Variants in TNRC18 observed in about 807,000 individuals in gnomAD.
TNRC18 encodes trinucleotide repeat-containing gene 18 protein.
A neutral mutation model predicts 226.7 loss-of-function variants in TNRC18; 69 were observed. That is an observed-to-expected ratio of 0.30 (90% CI 0.25 to 0.37). The LOEUF (loss-of-function observed/expected upper bound fraction) is 0.37. TNRC18 is among the 10% of genes least tolerant of loss of function. The pLI, the probability that TNRC18 is intolerant of heterozygous loss-of-function variation, is 1.00. For missense variants in TNRC18, 4,754 were observed against 4,256.6 expected (o/e 1.12, Z -3.25); for synonymous variants, 2,449 against 1,927.6 (o/e 1.27, Z -7.09).
At chr7:5,323,065 G>A (rs369435950) in intron 21 of TNRC18, among the ~76,000 whole-genome samples, 11 of 152,200 alleles carry the variant, frequency 7.2e-5, no homozygotes, top group African/African-American at 2.7e-4. Context: ...ATCACCGCAG[G>A]AGCAAGGCCA....
chr7:5,340,794 T>A (rs929263706), intron 18 of TNRC18, among the ~76,000 whole-genome samples: 1 of 150,100 alleles, frequency 6.7e-6, no homozygotes, highest in South Asian at 2.1e-4. Flanking sequence ...AACATAAAAA[T>A]GCAAGGATAA....
rs1246375337 is a variant in TNRC18 at position 5,388,012 on chromosome 7, A to G, written c.1812T>C (p.Pro604=). ...AGGGGCTCTTCTTGCCACAGCCACCAGGGCGCACGGCCACGGCGTCCCGGG... is the reference window on the plus strand; with the variant it reads ...AGGGGCTCTTCTTGCCACAGCCACCGGGGCGCACGGCCACGGCGTCCCGGG... The part of the protein sequence containing the change: ...SFARDAVAVR[P]GGCGKKSPFG... Residue 604 remains proline, a synonymous_variant, in exon 5 of 30, where the codon CCT becomes CCC. Transcript: ENST00000430969. 6.3e-7 allele frequency: 1 copy of G among 1,579,950 alleles called. No homozygotes were observed. The highest frequency in any genetic ancestry group is 8.6e-7 in the Non-Finnish European group (1 of 1,164,086).
In TNRC18 at chr7:5,332,611, G is replaced by A. The variant is rs373066819; in HGVS notation, c.6147+11C>T. On this transcript the variant is annotated intron_variant, in intron 19 of 29. Transcript: ENST00000430969. ...CCCTTCTGCGGCACCCCCTCCCAGC[G>A]CGGCCCCTACCTTCCTGGGGTCCTT... 1,570 of 1,516,908 alleles carry A rather than the reference G, an allele frequency of 1.0e-3. 18 individuals carry two copies. In the African/African-American group the frequency reaches 0.018, roughly 18 times the overall value. The allele number at this position is 1,516,908 out of a possible 1,614,324, so 94.0% of individuals were successfully genotyped here.
chr7:5,381,506 CTT>C (rs1459202305), intron 5 of TNRC18, among the ~76,000 whole-genome samples: 1 of 152,282 alleles, frequency 6.6e-6, no homozygotes, highest in Middle Eastern at 3.4e-3. Flanking sequence ...ATCACGTTCT[CTT>C]GACTATACAC....
In TNRC18 at chr7:5,374,447, A is replaced by G. The variant is rs1794448069; in HGVS notation, c.2837T>C (p.Met946Thr). Residue 946 changes from methionine to threonine, a missense_variant, in exon 10 of 30, where the codon ATG (methionine) becomes ACG (threonine). Met to Thr is a moderately conservative substitution (Grantham distance 81, BLOSUM62 -1). Coordinates refer to ENST00000430969, the MANE Select transcript of TNRC18 (RefSeq NM_001080495.3). ...GCCCCGCTTGCTCCCCTTCTCTTCC[A>G]TCTCCGCCCGGTGCTCCTGCGCCTT... is the stretch of plus-strand genomic sequence containing the variant. ...RLKAQEHRAE[M>T]EEKGSKRGLE... 3.2e-6 allele frequency: 5 copies of G among 1,546,058 alleles called. No homozygotes were observed. Among genetic ancestry groups the G allele is most frequent in the Non-Finnish European group, 3.5e-6 (4 of 1,145,290 alleles).
At chr7:5,385,026 C>T (rs1779658085) in intron 5 of TNRC18, among the ~76,000 whole-genome samples, 1 of 152,256 alleles carries the variant, frequency 6.6e-6, no homozygotes, top group Admixed American at 6.5e-5. Context: ...GCAGGAGCAT[C>T]TGGAGCTCGG....
chr7:5,391,160 C>T (rs1780268569), intron 3 of TNRC18, among the ~76,000 whole-genome samples: 1 of 151,980 alleles, frequency 6.6e-6, no homozygotes, highest in Non-Finnish European at 1.5e-5. Flanking sequence ...CTCTGAACCT[C>T]AGCGGACCCA....
At position 5,388,789 on chromosome 7, in the gene TNRC18, A is replaced by T; in HGVS notation, c.1035T>A (p.Pro345=). Reference sequence around the variant, plus strand: ...CGGGGGTGGCCGCGGGGGGTGCAGGAGGCCCCTTGGGGGGCGCGGGCGGCG... The same window carrying T: ...CGGGGGTGGCCGCGGGGGGTGCAGGTGGCCCCTTGGGGGGCGCGGGCGGCG... ...LPPPPAPPKG[P]PAPPAATPAG... Residue 345 remains proline (P), a synonymous_variant, in exon 5 of 30, where the codon CCT becomes CCA. Coordinates refer to ENST00000430969, the MANE Select transcript of TNRC18 (RefSeq NM_001080495.3). 1 of 1,204,120 alleles carries T rather than the reference A, an allele frequency of 8.3e-7. No individual in the cohort carries two copies. Among genetic ancestry groups the T allele is most frequent in the East Asian group, 4.1e-5 (1 of 24,560 alleles). 74.6% of individuals were successfully genotyped at this position (1,204,120 alleles called of 1,614,324 possible).
At chr7:5,411,187 G>A (rs747461309) in intron 2 of TNRC18, among the ~76,000 whole-genome samples, 20 of 143,014 alleles carry the variant, frequency 1.4e-4, no homozygotes, top group East Asian at 4.1e-4. Flanking sequence ...CTGCACTCCC[G>A]CTTGGGCTAC....
chr7:5,342,171 G>C (rs1037454909), intron 18 of TNRC18, among the ~76,000 whole-genome samples: 1 of 152,244 alleles, frequency 6.6e-6, no homozygotes, highest in East Asian at 1.9e-4. Flanking sequence ...GCTCACGCCT[G>C]TAACCCCAGC....
chr7:5,351,702 G>A (rs745669651), intron 17 of TNRC18, 117 bp downstream of exon 17: 14 of 1,201,322 alleles, frequency 1.2e-5, no homozygotes, highest in Middle Eastern at 2.4e-4. Flanking sequence ...GCGGCCATCC[G>A]CACGGGCCTC....
In TNRC18 at chr7:5,332,645, T is replaced by C. The variant is rs1234057769; in HGVS notation, c.6124A>G (p.Lys2042Glu). 1 of 1,530,804 alleles carries C rather than the reference T, an allele frequency of 6.5e-7. No individual in the cohort carries two copies. The highest frequency in any genetic ancestry group is 2.1e-5 in the Admixed American group (1 of 47,894). The allele number at this position is 1,530,804 out of a possible 1,614,324, so 94.8% of individuals were successfully genotyped here. Residue 2042 changes from lysine to glutamate, a missense_variant, in exon 19 of 30, where the codon AAG becomes GAG. Lys to Glu is a moderately conservative substitution (Grantham distance 56). Transcript: ENST00000430969. ...LSPRKDAGRA[K>E]DRKDPRKKKK... ...ACCTTCCTGGGGTCCTTCCTGTCCT[T>C]TGCACGCCCGGCGTCCTTGCGCGGG... is the stretch of plus-strand genomic sequence containing the variant.
At chr7:5,351,278 G>A (rs1791781179) in intron 17 of TNRC18, among the ~76,000 whole-genome samples, 1 of 152,024 alleles carries the variant, frequency 6.6e-6, no homozygotes, top group Non-Finnish European at 1.5e-5. Flanking sequence ...AGAGAGACAA[G>A]GCACACAGGT....
chr7:5,320,208 G>A lies in TNRC18; in HGVS notation c.6745+110C>T, dbSNP rs1282920213. ...AAGGCCATACAGTTTTCAGTTATGT[G>A]AGCCCACAAGTCTTTATTCTTAAGC... On this transcript the variant is annotated intron_variant, in intron 24 of 29. Coordinates refer to ENST00000430969, the MANE Select transcript of TNRC18 (RefSeq NM_001080495.3). 3.8e-5 allele frequency: 31 copies of A among 820,662 alleles called. No homozygotes were observed. In the South Asian group the frequency reaches 4.6e-4, roughly 12 times the overall value. The allele number at this position is 820,662 out of a possible 1,614,324, so 50.8% of individuals were successfully genotyped here.
At position 5,324,284 on chromosome 7, in the gene TNRC18, G is replaced by A. The variant is rs762423731; in HGVS notation, c.6372C>T (p.Asn2124=). Reference sequence around the variant, plus strand: ...CGTCCTCAGAGAAGCTCGAGTCTTGGTTGGGTTCAAAGTCCTCCTCGGCTG... The same window carrying A: ...CGTCCTCAGAGAAGCTCGAGTCTTGATTGGGTTCAAAGTCCTCCTCGGCTG... ...SMAAEEDFEP[N]QDSSFSEDEH... The change falls in exon 21 of 30, where the codon AAC becomes AAT. Residue 2124 remains asparagine, a synonymous_variant. Coordinates refer to ENST00000430969, the MANE Select transcript of TNRC18 (RefSeq NM_001080495.3). This position sits in a 1 kb window ranked among gnomAD's most constrained non-coding sequence, Gnocchi z 4.8. 6.8e-6 allele frequency: 11 copies of A among 1,613,484 alleles called. No individual in the cohort carries two copies. The South Asian group carries it at 1.2e-4, about 18-fold the overall frequency.
chr7:5,369,064 G>A (rs975568113), intron 11 of TNRC18, among the ~76,000 whole-genome samples: 5 of 152,144 alleles, frequency 3.3e-5, no homozygotes, highest in East Asian at 1.9e-4. Context: ...AGCATGAACC[G>A]AGGCTGGGAG....
At chr7:5,316,843 G>C (rs1158903721) in intron 24 of TNRC18, among the ~76,000 whole-genome samples, 4 of 152,142 alleles carry the variant, frequency 2.6e-5, no homozygotes, top group Non-Finnish European at 5.9e-5. Flanking sequence ...GTTTTCCTAA[G>C]AGAATCCTGC....
intron 2 of TNRC18, among the ~76,000 whole-genome samples, chr7:5,414,855 T>C (rs1246894996): frequency 6.6e-6 from 1 of 152,248 alleles, no homozygotes; most frequent in Non-Finnish European, 1.5e-5. Context: ...ATTGTCCCAA[T>C]GATGTTCTTT....
At chr7:5,310,939 TGC>T (rs1491282914) in intron 27 of TNRC18, among the ~76,000 whole-genome samples, 2 of 151,808 alleles carry the variant, frequency 1.3e-5, no homozygotes, top group African/African-American at 2.4e-5. Context: ...TGTTCGTGTG[TGC>T]ACGTGTTTGT....
Sources: gnomAD v4.1 joint callset for allele counts (sites outside exome capture counted in the v4.1 genomes callset) on GRCh38, gnomAD v4.1.1 for gene constraint, Gnocchi (gnomAD v3.1) non-coding constraint, MANE v1.5 for transcripts, NCBI Gene and HGNC (gene_info 2026-07-23, HGNC 2026-07-21) for gene names.